GPS2: variants seen among roughly 807,000 people sequenced by gnomAD.
GPS2 encodes the protein G protein pathway suppressor 2, also known as GPS-2.
A neutral mutation model predicts 48.1 loss-of-function variants in GPS2; 22 were observed. The observed-to-expected ratio is 0.46, with a 90% CI of 0.33 to 0.65. GPS2 has a LOEUF of 0.65. GPS2 is among the 30% of genes least tolerant of loss of function. GPS2 has a pLI of 0.03. For missense variants in GPS2, 366 were observed against 406.8 expected, an observed-to-expected ratio of 0.90 and a Z score of 0.86; for synonymous variants, 202 against 142.5, an observed-to-expected ratio of 1.42 and a Z score of -2.98.
At chr17:7,313,828 A>G (rs2072898709) in intron 6 of GPS2, 78 bp downstream of exon 6, 2 of 1,566,840 alleles carry the variant, frequency 1.3e-6, no homozygotes, top group Non-Finnish European at 1.8e-6. Context: ...AGTGCTTGAT[A>G]TGTTTGTGAC....
In GPS2 at chr17:7,312,722, TGG is replaced by T; in HGVS notation, c.*32_*33del. ...GGGGATACCCTCACCCACGATGGGG[TGG>T]GGGGTGTGGTGTTGAAGATATAATC... On this transcript the variant is annotated 3_prime_UTR_variant, in exon 11 of 11. Transcript: ENST00000380728. 1 of 1,490,370 alleles carries T rather than the reference TGG, an allele frequency of 6.7e-7. No homozygotes were observed. Among genetic ancestry groups the T allele is most frequent in the Non-Finnish European group, 9.4e-7 (1 of 1,067,544 alleles). 92.3% of individuals were successfully genotyped at this position (1,490,370 alleles called of 1,614,324 possible). A position where few individuals can be genotyped will look rare whatever the true frequency, so the allele number is the denominator to read the frequency against.
Position 7,313,046 on chromosome 17 carries a change from T to TCTG in GPS2, c.880_882dup (p.Gln294dup). On this transcript the variant is annotated inframe_insertion, in exon 10 of 11. Coordinates refer to ENST00000380728, the MANE Select transcript of GPS2 (RefSeq NM_004489.5). ...ATTCTTACCTTTCCTGCTGGCTGCA[T>TCTG]CTGCACAGGGAGCTGGGGGGAAGCA... 1 of 1,552,686 alleles carries TCTG rather than the reference T, an allele frequency of 6.4e-7. No homozygotes were observed. The highest frequency in any genetic ancestry group is 1.2e-5 in the South Asian group (1 of 80,914).
chr17:7,313,558 T>C lies in GPS2; in HGVS notation c.634+10A>G. ...GAGGAAGGCCAAGCCCCATCCCTCC[T>C]ATTACTCACCTCTGAGCTGCTGACT... On this transcript the variant is annotated intron_variant, in intron 7 of 10. Coordinates refer to ENST00000380728, the MANE Select transcript of GPS2 (RefSeq NM_004489.5). 6.2e-7 allele frequency: 1 copy of C among 1,613,724 alleles called. No homozygotes were observed. Among genetic ancestry groups the C allele is most frequent in the Non-Finnish European group, 8.5e-7 (1 of 1,179,700 alleles).
At position 7,313,306 on chromosome 17, in the gene GPS2, G is replaced by A. The variant is rs375408699; in HGVS notation, c.725-15C>T. 2.5e-6 allele frequency: 4 copies of A among 1,613,662 alleles called. No homozygotes were observed. In the African/African-American group the frequency reaches 5.3e-5, roughly 22 times the overall value. On this transcript the variant is annotated splice_polypyrimidine_tract_variant and intron_variant, in intron 8 of 10. Coordinates refer to ENST00000380728, the MANE Select transcript of GPS2 (RefSeq NM_004489.5). The stretch of plus-strand genomic sequence containing the variant: ...CTGGAGGAAACCTAGGTGGGGAAGA[G>A]GGGCATGTGAGATGAGAATGAAACA...
In GPS2 at chr17:7,314,371, T is replaced by A. The variant is rs139664491; in HGVS notation, c.237A>T (p.Leu79=). 1.6e-4 allele frequency: 254 copies of A among 1,614,042 alleles called. No homozygotes were observed. Among genetic ancestry groups the A allele is most frequent in the Non-Finnish European group, 2.1e-4 (245 of 1,180,020 alleles). Reference sequence around the variant, plus strand: ...GGAAAAGCTGGTGCTTCTCTTCCTGTAGAGCCAAAAGCTTCTCCTCCAACT... The same window carrying A: ...GGAAAAGCTGGTGCTTCTCTTCCTGAAGAGCCAAAAGCTTCTCCTCCAACT... ...ILKLEEKLLA[L]QEEKHQLFLQ... is the part of the protein sequence containing the mutation. Residue 79 remains leucine, a synonymous_variant, in exon 4 of 11, where the codon CTA becomes CTT. Coordinates refer to ENST00000380728, the MANE Select transcript of GPS2 (RefSeq NM_004489.5).
intron 10 of GPS2, 29 bp downstream of exon 10, chr17:7,312,999 CT>C: frequency 6.6e-7 from 1 of 1,519,886 alleles, no homozygotes; most frequent in Non-Finnish European, 8.9e-7. Context: ...TGTAGGGATT[CT>C]GACAGGTAAA....
chr17:7,312,759 C>T lies in GPS2; in HGVS notation c.981G>A (p.Lys327=), dbSNP rs779551423. Residue 327 remains lysine, a synonymous_variant, in exon 11 of 11, where the codon AAG becomes AAA. Transcript: ENST00000380728. The part of the protein sequence containing the change: ...QHSQNPRFYH[K] ...TGTTGAAGATATAATCTGATGGTCACTTGTGGTAGAATCGCGGGTTCTGGC... is the reference window on the plus strand; with the variant it reads ...TGTTGAAGATATAATCTGATGGTCATTTGTGGTAGAATCGCGGGTTCTGGC... 6.2e-7 allele frequency: 1 copy of T among 1,613,042 alleles called. No homozygotes were observed.
rs1345640079 is a variant in GPS2, at chr17:7,313,942, G to T, written c.444C>A (p.Asp148Glu). 2 of 1,614,012 alleles carry T rather than the reference G, an allele frequency of 1.2e-6. No individual in the cohort carries two copies. The highest frequency in any genetic ancestry group is 3.3e-5 in the Admixed American group (2 of 59,992). ...HNRPGTLMAADRAKQMFGPQV... is the reference protein window; with the variant it reads ...HNRPGTLMAAERAKQMFGPQV... Reference sequence around the variant, plus strand: ...GGGGTCCAAACATTTGTTTGGCTCTGTCAGCTGCCATGAGGGTGCCTGGGC... The same window carrying T: ...GGGGTCCAAACATTTGTTTGGCTCTTTCAGCTGCCATGAGGGTGCCTGGGC... Residue 148 changes from aspartate (D) to glutamate (E), a missense_variant, in exon 6 of 11, where the codon GAC becomes GAA. By Grantham distance (45) the Asp-to-Glu change is conservative. Transcript: ENST00000380728.
In GPS2 at chr17:7,315,067, CGCT is replaced by C; in HGVS notation, c.-18_-16del. On this transcript the variant is annotated 5_prime_UTR_variant, in exon 2 of 11. Coordinates refer to ENST00000380728, the MANE Select transcript of GPS2 (RefSeq NM_004489.5). ...AGTGCGGGCATGGTGCTGCCGTGGG[CGCT>C]CGGGCCGTGGGCGCCCGGCTGTCTC... is the stretch of plus-strand genomic sequence containing the variant. 6.4e-7 allele frequency: 1 copy of C among 1,569,904 alleles called. No homozygotes were observed. Among genetic ancestry groups the C allele is most frequent in the South Asian group, 1.2e-5 (1 of 86,766 alleles).
At chr17:7,314,031 G>A (rs1374469852) in intron 5 of GPS2, 43 bp from the exon 6 acceptor site, 3 of 1,604,784 alleles carry the variant, frequency 1.9e-6, no homozygotes. Flanking sequence ...ATGGGAGGCT[G>A]TGACCTCCAA....
chr17:7,315,274 C>G (rs1378251123), intron 1 of GPS2, 57 bp downstream of exon 1: 1 of 333,952 alleles, frequency 3.0e-6, no homozygotes, highest in Non-Finnish European at 5.4e-6. Context: ...GCGCCGGGGT[C>G]CCCGGCTCGC....
chr17:7,312,994 G>A (rs199712212), intron 10 of GPS2, 35 bp downstream of exon 10: 5 of 1,507,452 alleles, frequency 3.3e-6, no homozygotes, highest in Middle Eastern at 3.5e-4. Flanking sequence ...CCTAGTGTAG[G>A]GATTCTGACA....
At position 7,313,679 on chromosome 17, in the gene GPS2, G is replaced by A. The variant is rs1349552330; in HGVS notation, c.523C>T (p.Pro175Ser). ...CTGCCTTGGAATTGTCCATGCTCTG[G>A]TGTCCCTGCAAAAGCAGCTGCTGAG... ...VGSAAAFAGTPEHGQFQGSPG... is the reference protein window; with the variant it reads ...VGSAAAFAGTSEHGQFQGSPG... The change falls in exon 7 of 11, where the codon CCA becomes TCA. Residue 175 changes from proline to serine, a missense_variant. Coordinates refer to ENST00000380728, the MANE Select transcript of GPS2 (RefSeq NM_004489.5). The A allele has an allele frequency of 1.2e-6, 2 of 1,614,156 alleles. No homozygotes were observed. Among genetic ancestry groups the A allele is most frequent in the Middle Eastern group, 1.7e-4 (1 of 6,058 alleles).
chr17:7,312,925 G>A, intron 10 of GPS2, 86 bp from the exon 11 acceptor site: 5 of 1,492,330 alleles, frequency 3.4e-6, no homozygotes, highest in African/African-American at 1.4e-5. Context: ...CCCCCAAAGA[G>A]GAAGGAAAAA....
In GPS2 at chr17:7,313,365, A is replaced by G. The variant is rs766666420; in HGVS notation, c.724+15T>C. The G allele has an allele frequency of 4.3e-6, 7 of 1,613,374 alleles. No homozygotes were observed. Among genetic ancestry groups the G allele is most frequent in the Non-Finnish European group, 5.9e-6 (7 of 1,179,282 alleles). On this transcript the variant is annotated intron_variant, in intron 8 of 10. Transcript: ENST00000380728. ...AGGACCTGAGAGCTAGAGCTCCTGCATGGGATGTTATCACCTGTCTGAGTG... is the reference window on the plus strand; with the variant it reads ...AGGACCTGAGAGCTAGAGCTCCTGCGTGGGATGTTATCACCTGTCTGAGTG...
rs768492189 is a variant in GPS2, at chr17:7,313,540, G to A, written c.634+28C>T. Reference sequence around the variant, plus strand: ...CATTCCTCCTTTGACCTTGAGGAAGGCCAAGCCCCATCCCTCCTATTACTC... The same window carrying A: ...CATTCCTCCTTTGACCTTGAGGAAGACCAAGCCCCATCCCTCCTATTACTC... On this transcript the variant is annotated intron_variant, in intron 7 of 10. Coordinates refer to ENST00000380728, the MANE Select transcript of GPS2 (RefSeq NM_004489.5). 1.2e-5 allele frequency: 19 copies of A among 1,613,288 alleles called. No individual in the cohort carries two copies. In the South Asian group the frequency reaches 1.9e-4, roughly 16 times the overall value.
At position 7,312,765 on chromosome 17, in the gene GPS2, G is replaced by A; in HGVS notation, c.975C>T (p.Tyr325=). Residue 325 remains tyrosine (Y), a synonymous_variant, in exon 11 of 11, where the codon TAC becomes TAT. Transcript: ENST00000380728. ...FIQHSQNPRF[Y]HK ...AGATATAATCTGATGGTCACTTGTG[G>A]TAGAATCGCGGGTTCTGGCTGTGTT... 6.2e-7 allele frequency: 1 copy of A among 1,613,572 alleles called. No homozygotes were observed. Among genetic ancestry groups the A allele is most frequent in the Non-Finnish European group, 8.5e-7 (1 of 1,179,476 alleles).
intron 9 of GPS2, 22 bp from the exon 10 acceptor site, chr17:7,313,146 C>T (rs762946566): frequency 3.6e-5 from 58 of 1,608,482 alleles, no homozygotes; most frequent in Non-Finnish European, 4.2e-5. Context: ...AGAGTCAGGG[C>T]CTGAGGCATA....
chr17:7,314,554 T>C lies in GPS2; in HGVS notation c.138A>G (p.Glu46=), dbSNP rs2072912051. ...VDKMMEQKMK[E]EQERRKKKEM... ...CCTTTTTCTTCCTTCTCTCCTGTTC[T>C]TCCTTCATCTTCTGTTCCATCATCT... is the stretch of plus-strand genomic sequence containing the variant. The change falls in exon 3 of 11, where the codon GAA becomes GAG. Residue 46 remains glutamate, a synonymous_variant. Transcript: ENST00000380728. The C allele has an allele frequency of 3.7e-6, 6 of 1,613,654 alleles. No homozygotes were observed. Among genetic ancestry groups the C allele is most frequent in the Non-Finnish European group, 4.2e-6 (5 of 1,179,630 alleles).
Sources: gnomAD v4.1 joint callset for allele counts on GRCh38, gnomAD v4.1.1 for gene constraint, MANE v1.5 for transcripts, NCBI Gene and HGNC (gene_info 2026-07-23, HGNC 2026-07-21) for gene names.